FABP12: variants seen among roughly 807,000 people sequenced by gnomAD.
The protein encoded by FABP12 is fatty acid-binding protein 12.
Under a neutral mutation model 13.7 loss-of-function variants are expected in FABP12, and 19 were observed. That is an observed-to-expected ratio of 1.39 (90% CI 0.97 to 2.04). The LOEUF (loss-of-function observed/expected upper bound fraction) is 2.04. Ranked by LOEUF, FABP12 falls within the 30% of genes most tolerant of loss-of-function variation. The pLI is 0.00. For synonymous variants in FABP12, 61 were observed against 57.0 expected (o/e 1.07, Z -0.32); for missense variants, 182 against 164.2 (o/e 1.11, Z -0.59).
chr8:81,573,683 C>G (rs1809974795), intron 1 of FABP12, among the ~76,000 whole-genome samples: 1 of 151,744 alleles, frequency 6.6e-6, no homozygotes, highest in Non-Finnish European at 1.5e-5. Context: ...AGGTATATTC[C>G]CAAGTTTTGT....
At chr8:81,577,163 T>C (rs1176480308) in intron 1 of FABP12, among the ~76,000 whole-genome samples, 1 of 152,246 alleles carries the variant, frequency 6.6e-6, no homozygotes, top group African/African-American at 2.4e-5. Context: ...ATCTATAGGG[T>C]ATATTCCTGG....
At chr8:81,560,629 A>T (rs1277101259) in intron 1 of FABP12, among the ~76,000 whole-genome samples, 3 of 152,210 alleles carry the variant, frequency 2.0e-5, no homozygotes, top group African/African-American at 2.4e-5. Context: ...GCAGATTTTT[A>T]AAAATCTCAT....
chr8:81,527,237 T>C, intron 3 of FABP12, 116 bp from the exon 4 acceptor site: 1 of 544,574 alleles, frequency 1.8e-6, no homozygotes. Flanking sequence ...TTTAGAATGG[T>C]ATTGACAACT....
At chr8:81,587,908 G>A (rs11987789) in intron 1 of FABP12, among the ~76,000 whole-genome samples, 2,929 of 152,244 alleles carry the variant, frequency 0.019, 64 homozygotes, top group African/African-American at 0.056. Context: ...CAAAAGTAGG[G>A]AAGCCGACAG....
intron 1 of FABP12, among the ~76,000 whole-genome samples, chr8:81,545,213 T>C (rs1167424649): frequency 6.6e-6 from 1 of 152,142 alleles, no homozygotes; most frequent in African/African-American, 2.4e-5. Flanking sequence ...TGGGCATAAG[T>C]GAACAAGAAG....
chr8:81,578,149 A>G (rs1045166337), intron 1 of FABP12, among the ~76,000 whole-genome samples: 5 of 152,222 alleles, frequency 3.3e-5, no homozygotes, highest in African/African-American at 4.8e-5. Context: ...TAAATTTCCG[A>G]CATAAGAATA....
chr8:81,540,990 A>G (rs1809326718), intron 1 of FABP12, among the ~76,000 whole-genome samples: 1 of 152,040 alleles, frequency 6.6e-6, no homozygotes, highest in Non-Finnish European at 1.5e-5. Context: ...AGATAGTGAA[A>G]CCTCATCTCT....
At chr8:81,526,944 ATTGT>A (rs1427513445) in intron 4 of FABP12, 72 bp downstream of exon 4, 1 of 820,326 alleles carries the variant, frequency 1.2e-6, no homozygotes, top group Non-Finnish European at 1.9e-6. Context: ...ATTCATTTTC[ATTGT>A]TTGAGAACAA....
chr8:81,543,520 G>T lies in FABP12; in HGVS notation c.-184-3777C>A, dbSNP rs1387776861. Among the ~76,000 whole-genome samples the T allele has an allele frequency of 2.6e-5, 4 of 152,140 alleles. No homozygotes were observed. In the East Asian group the frequency reaches 7.7e-4, roughly 29 times the overall value. Reference sequence around the variant, plus strand: ...GGAGATTATTGGTAATTGATGAGAAGTTATGTTTCAGAGATGCCTAAAACA... The same window carrying T: ...GGAGATTATTGGTAATTGATGAGAATTTATGTTTCAGAGATGCCTAAAACA... On this transcript the variant is annotated intron_variant, in intron 1 of 5. Coordinates refer to the FABP12 transcript ENST00000692030.
At chr8:81,579,959 T>C (rs1810129565) in intron 1 of FABP12, among the ~76,000 whole-genome samples, 2 of 152,224 alleles carry the variant, frequency 1.3e-5, no homozygotes, top group African/African-American at 4.8e-5. Context: ...TTGAGTTCTC[T>C]TCTGAGACAA....
chr8:81,527,485 C>T (rs1301802579), intron 3 of FABP12, among the ~76,000 whole-genome samples: 1 of 152,126 alleles, frequency 6.6e-6, no homozygotes, highest in Non-Finnish European at 1.5e-5. Flanking sequence ...GCCTCAGCCT[C>T]CCAAATAGCT....
chr8:81,565,568 G>A (rs1026265368), intron 1 of FABP12, among the ~76,000 whole-genome samples: 1 of 151,952 alleles, frequency 6.6e-6, no homozygotes, highest in Non-Finnish European at 1.5e-5. Flanking sequence ...ACGTGTTGTT[G>A]AATGACCAGT....
At chr8:81,573,891 C>T (rs1326935697) in intron 1 of FABP12, among the ~76,000 whole-genome samples, 2 of 152,070 alleles carry the variant, frequency 1.3e-5, no homozygotes, top group African/African-American at 2.4e-5. Context: ...ACAATCATAT[C>T]GTCAGCAAAC....
Position 81,529,664 on chromosome 8 carries a change from A to G in FABP12, c.74-54T>C, listed in dbSNP as rs1290393188. The G allele has an allele frequency of 1.2e-5, 18 of 1,442,090 alleles. No homozygotes were observed. In the Admixed American group the frequency reaches 2.1e-4, roughly 17 times the overall value. The allele number at this position is 1,442,090 out of a possible 1,614,324, so 89.3% of individuals were successfully genotyped here. ...TTTTTGCATAAAGAATTACAAATAC[A>G]TTACATTACAATACAATACTTAAAT... On this transcript the variant is annotated intron_variant, in intron 2 of 4. Transcript: ENST00000360464.
Position 81,547,575 on chromosome 8 carries a change from G to A in FABP12, c.-184-7832C>T, listed in dbSNP as rs1212540168. 1.1e-4 allele frequency among the ~76,000 whole-genome samples: 16 copies of A among 152,126 alleles called. No homozygotes were observed. The East Asian group carries it at 1.3e-3, about 13-fold the overall frequency. On this transcript the variant is annotated intron_variant, in intron 1 of 5. Coordinates refer to the FABP12 transcript ENST00000692030. ...GCATATCCTGTGATTAATATTTACC[G>A]TCTTATCTCTTCCCTGGAGTGGGAC...
intron 1 of FABP12, among the ~76,000 whole-genome samples, chr8:81,547,014 T>C (rs1249429604): frequency 1.3e-5 from 2 of 152,220 alleles, no homozygotes; most frequent in Non-Finnish European, 2.9e-5. Context: ...CTTTTATGTT[T>C]ATTTTCTGAG....
At chr8:81,581,761 T>G (rs1810167394) in intron 1 of FABP12, among the ~76,000 whole-genome samples, 1 of 152,180 alleles carries the variant, frequency 6.6e-6, no homozygotes, top group African/African-American at 2.4e-5. Flanking sequence ...ATAAAGTCTT[T>G]TCTAAACAAG....
At chr8:81,562,348 T>G (rs2130048235) in intron 1 of FABP12, among the ~76,000 whole-genome samples, 1 of 152,202 alleles carries the variant, frequency 6.6e-6, no homozygotes, top group Non-Finnish European at 1.5e-5. Flanking sequence ...TTTTCCCACC[T>G]TGGGTGGCTG....
At chr8:81,525,071 G>A in exon 5 of FABP12, 1 of 1,598,420 alleles carries the variant, frequency 6.3e-7, no homozygotes. Flanking sequence ...TGAGTTTGAT[G>A]ATACTTTCTC....
Sources: gnomAD v4.1 joint callset for allele counts (sites outside exome capture counted in the v4.1 genomes callset) on GRCh38, gnomAD v4.1.1 for gene constraint, MANE v1.5 for transcripts, NCBI Gene and HGNC (gene_info 2026-07-23, HGNC 2026-07-21) for gene names.